Variants in DSCAM observed in about 807,000 individuals in gnomAD.
The protein encoded by DSCAM is DS cell adhesion molecule.
In DSCAM, 47 loss-of-function variants were observed where a neutral mutation model predicts 217.7. The ratio of observed to expected loss-of-function variants is 0.22; its 90% CI spans 0.17 to 0.28. DSCAM has a LOEUF of 0.28. Among genes scored for constraint, DSCAM ranks in the 10% least tolerant of loss-of-function variants. The pLI, the probability that DSCAM is intolerant of heterozygous loss-of-function variation, is 1.00. For synonymous variants in DSCAM, 1,056 were observed against 1,015.3 expected (o/e 1.04, Z -0.76); for missense variants, 2,080 against 2,618.3 (o/e 0.79, Z 4.49).
At chr21:40,492,911 A>G (rs1159173288) in intron 3 of DSCAM, among the ~76,000 whole-genome samples, 1 of 152,130 alleles carries the variant, frequency 6.6e-6, no homozygotes, top group Non-Finnish European at 1.5e-5. Flanking sequence ...CAATGCAAGC[A>G]AGACTACACC....
intron 3 of DSCAM, among the ~76,000 whole-genome samples, chr21:40,652,031 G>C (rs1362567138): frequency 1.3e-5 from 2 of 152,198 alleles, no homozygotes; most frequent in East Asian, 3.9e-4. Context: ...CATTTAGTTG[G>C]TGGCATTCTT....
chr21:40,593,178 A>AT (rs375577171), intron 3 of DSCAM, among the ~76,000 whole-genome samples: 73 of 152,018 alleles, frequency 4.8e-4, no homozygotes, highest in African/African-American at 1.5e-3. Flanking sequence ...GGATTTTTTA[A>AT]TTTTTTTTTA....
At chr21:40,440,169 C>T (rs892929431) in intron 3 of DSCAM, among the ~76,000 whole-genome samples, 14 of 152,346 alleles carry the variant, frequency 9.2e-5, no homozygotes, top group African/African-American at 2.9e-4. Flanking sequence ...ATGATGCTAG[C>T]CCTTTGAACA....
At chr21:40,505,121 A>T (rs1453869012) in intron 3 of DSCAM, among the ~76,000 whole-genome samples, 1 of 152,214 alleles carries the variant, frequency 6.6e-6, no homozygotes, top group African/African-American at 2.4e-5. Flanking sequence ...GGTAATTGGA[A>T]ATAATGGGAA....
At chr21:40,543,579 G>T (rs951715108) in intron 3 of DSCAM, among the ~76,000 whole-genome samples, 2 of 152,046 alleles carry the variant, frequency 1.3e-5, no homozygotes, top group African/African-American at 2.4e-5. Flanking sequence ...GAGCCACAGT[G>T]AGTCTGTGGA....
intron 3 of DSCAM, among the ~76,000 whole-genome samples, chr21:40,650,425 A>G (rs569098863): frequency 1.3e-5 from 2 of 152,338 alleles, no homozygotes; most frequent in East Asian, 1.9e-4. Flanking sequence ...GTTAAACATT[A>G]TTTCTGGGTG....
At chr21:40,211,680 G>C (rs2091185709) in intron 11 of DSCAM, among the ~76,000 whole-genome samples, 1 of 152,090 alleles carries the variant, frequency 6.6e-6, no homozygotes, top group African/African-American at 2.4e-5. Context: ...ACTTGTCCTT[G>C]GTACAGCCCA....
chr21:40,399,622 C>A (rs1016382474), intron 3 of DSCAM, among the ~76,000 whole-genome samples: 1 of 152,192 alleles, frequency 6.6e-6, no homozygotes, highest in African/African-American at 2.4e-5. Context: ...CTTCCTAAAT[C>A]TCTGAGGTCA....
chr21:40,461,113 T>C lies in DSCAM; in HGVS notation c.509-91868A>G, dbSNP rs558176286. 7.9e-5 allele frequency among the ~76,000 whole-genome samples: 12 copies of C among 151,468 alleles called. No individual in the cohort carries two copies. The South Asian group carries it at 2.3e-3, about 29-fold the overall frequency. On this transcript the variant is annotated intron_variant, in intron 3 of 32. Transcript: ENST00000400454. The stretch of plus-strand genomic sequence containing the variant: ...ATTCATAAAATAGGAACAATGCAGC[T>C]GTTTAAAAGAAAGAAAAAACATGAA...
chr21:40,145,851 T>A (rs75933234), intron 16 of DSCAM, among the ~76,000 whole-genome samples: 71,314 of 151,000 alleles, frequency 0.47, 19,391 homozygotes, highest in South Asian at 0.63. Context: ...TCTCAAAAAG[T>A]AAAAAAAGAT....
At chr21:40,780,411 G>GTATATATATATATATATA (rs749398798) in intron 1 of DSCAM, among the ~76,000 whole-genome samples, 142 of 88,196 alleles carry the variant, frequency 1.6e-3, no homozygotes, top group Non-Finnish European at 2.6e-3. Context: ...GTGTGTGTGT[G>GTATATATATATATATATA]TGTGTGTGTG....
chr21:40,038,938 A>G (rs2088685814), intron 32 of DSCAM, among the ~76,000 whole-genome samples: 1 of 148,306 alleles, frequency 6.7e-6, no homozygotes, highest in Non-Finnish European at 1.5e-5. Context: ...AACGCCGCAT[A>G]TTCTCACTCA....
intron 3 of DSCAM, among the ~76,000 whole-genome samples, chr21:40,506,797 A>G (rs1391715302): frequency 6.6e-6 from 1 of 152,238 alleles, no homozygotes; most frequent in African/African-American, 2.4e-5. Context: ...GGAAAAAGAT[A>G]TATTTTATCT....
rs546778078 is a variant in DSCAM at position 40,545,681 on chromosome 21, T to G, written c.508+147129A>C. On this transcript the variant is annotated intron_variant, in intron 3 of 32. Coordinates refer to ENST00000400454, the MANE Select transcript of DSCAM (RefSeq NM_001389.5). ...ATTGTGTGAGATGATGTGTGAAATA[T>G]GCACACCATCCCAGCACACTGCAGG... 1.5e-3 allele frequency among the ~76,000 whole-genome samples: 233 copies of G among 152,266 alleles called. 3 individuals are homozygous for G. The highest frequency in any genetic ancestry group is 0.014 in the Middle Eastern group (4 of 294).
At chr21:40,045,454 C>G (rs2088827839) in intron 30 of DSCAM, among the ~76,000 whole-genome samples, 1 of 152,192 alleles carries the variant, frequency 6.6e-6, no homozygotes, top group Non-Finnish European at 1.5e-5. Flanking sequence ...GAACCAAAGG[C>G]AGCAAGTCTA....
At position 40,150,934 on chromosome 21, in the gene DSCAM, G is replaced by C. The variant is rs559454230; in HGVS notation, c.3019-6203C>G. 5.3e-5 allele frequency among the ~76,000 whole-genome samples: 8 copies of C among 152,212 alleles called. No individual in the cohort carries two copies. The South Asian group carries it at 1.7e-3, about 32-fold the overall frequency. On this transcript the variant is annotated intron_variant, in intron 16 of 32. Coordinates refer to ENST00000400454, the MANE Select transcript of DSCAM (RefSeq NM_001389.5). Reference sequence around the variant, plus strand: ...ACTCAGTGAATGAGGTTAATGGTGGGGTAAGAAGAAAAGGAAAACAAGAAA... The same window carrying C: ...ACTCAGTGAATGAGGTTAATGGTGGCGTAAGAAGAAAAGGAAAACAAGAAA...
chr21:40,568,220 G>T (rs2146198909), intron 3 of DSCAM, among the ~76,000 whole-genome samples: 1 of 152,228 alleles, frequency 6.6e-6, no homozygotes, highest in Admixed American at 6.5e-5. Context: ...CATTCTGACA[G>T]TTTCCCAAGA....
At chr21:40,815,444 A>G (rs2091872674) in intron 1 of DSCAM, among the ~76,000 whole-genome samples, 1 of 152,180 alleles carries the variant, frequency 6.6e-6, no homozygotes, top group African/African-American at 2.4e-5. Flanking sequence ...TTTGTCTCCC[A>G]GGATAAAGCT....
chr21:40,074,868 G>C (rs1184164061), intron 27 of DSCAM, among the ~76,000 whole-genome samples, 169 bp downstream of exon 27: 1 of 152,196 alleles, frequency 6.6e-6, no homozygotes. Context: ...TCTTCCCTGA[G>C]GCTCTGCAGT....
Sources: allele counts gnomAD v4.1 joint callset (sites outside exome capture counted in the v4.1 genomes callset), GRCh38; gene constraint gnomAD v4.1.1; transcripts MANE v1.5; gene names NCBI Gene and HGNC (gene_info 2026-07-23, HGNC 2026-07-21).